The following GRID2 variants were observed in gnomAD, a reference collection of about 807,000 sequenced individuals.
GRID2 encodes glutamate ionotropic receptor delta type subunit 2.
A neutral mutation model predicts 114.8 loss-of-function variants in GRID2; 33 were observed. That is an observed-to-expected ratio of 0.29 (90% CI 0.22 to 0.38). The LOEUF (loss-of-function observed/expected upper bound fraction) is 0.38, where lower values mean the gene tolerates loss of function less well. GRID2 is among the 10% of genes least tolerant of loss of function. GRID2 has a pLI of 1.00. For missense variants in GRID2, 1,184 were observed against 1,257.7 expected, an observed-to-expected ratio of 0.94 and a Z score of 0.89; for synonymous variants, 505 against 449.9, an observed-to-expected ratio of 1.12 and a Z score of -1.55.
At chr4:93,750,841 TAA>T (rs1732262645) in intron 14 of GRID2, among the ~76,000 whole-genome samples, 1 of 152,142 alleles carries the variant, frequency 6.6e-6, no homozygotes. Context: ...TGGTGTCACT[TAA>T]AAGAGATGAG....
intron 4 of GRID2, among the ~76,000 whole-genome samples, chr4:93,165,051 A>G (rs953642498): frequency 6.6e-6 from 1 of 152,078 alleles, no homozygotes; most frequent in African/African-American, 2.4e-5. Flanking sequence ...CATCTGGAAG[A>G]TGGAGATAAT....
chr4:92,312,909 T>A (rs1395819856), intron 1 of GRID2, among the ~76,000 whole-genome samples: 1 of 151,988 alleles, frequency 6.6e-6, no homozygotes, highest in Non-Finnish European at 1.5e-5. Flanking sequence ...AGTAGAACTA[T>A]CATTTGATGC....
intron 2 of GRID2, among the ~76,000 whole-genome samples, chr4:92,970,970 C>T (rs528160068): frequency 2.0e-5 from 3 of 151,144 alleles, no homozygotes; most frequent in African/African-American, 4.8e-5. Context: ...ATATATACAT[C>T]GTGCGTGTAT....
intron 1 of GRID2, among the ~76,000 whole-genome samples, chr4:92,435,907 A>G: frequency 6.6e-6 from 1 of 152,100 alleles, no homozygotes; most frequent in East Asian, 1.9e-4. Flanking sequence ...CGTTCTTTTT[A>G]TCCTTGCATT....
At chr4:93,148,072 G>A (rs187842545) in intron 4 of GRID2, among the ~76,000 whole-genome samples, 1 of 152,104 alleles carries the variant, frequency 6.6e-6, no homozygotes, top group Non-Finnish European at 1.5e-5. Context: ...TCTTTTGTTT[G>A]TGACAAAATT....
At chr4:93,412,673 T>G (rs1005967020) in intron 9 of GRID2, among the ~76,000 whole-genome samples, 2 of 152,186 alleles carry the variant, frequency 1.3e-5, no homozygotes, top group Non-Finnish European at 2.9e-5. Context: ...GTTAGTTTGC[T>G]GCACCTACCA....
intron 2 of GRID2, among the ~76,000 whole-genome samples, chr4:92,671,451 A>G (rs1733068006): frequency 6.6e-6 from 1 of 152,122 alleles, no homozygotes; most frequent in African/African-American, 2.4e-5. Flanking sequence ...ATCATATTAT[A>G]TGGGAAACTA....
rs549805750 is a variant in GRID2, at chr4:92,936,415, G to A, written c.245-148580G>A. ...CTAATTCATGATAATAGAGTTAAGG[G>A]GTCTGTTTTATTTAAATAATTTTCT... On this transcript the variant is annotated intron_variant, in intron 2 of 15. Coordinates refer to ENST00000282020, the MANE Select transcript of GRID2 (RefSeq NM_001510.4). Among the ~76,000 whole-genome samples, 57 of 145,606 alleles carry A rather than the reference G, an allele frequency of 3.9e-4. 2 individuals are homozygous for A. Among genetic ancestry groups the A allele is most frequent in the African/African-American group, 1.2e-3 (50 of 40,938 alleles).
At chr4:93,607,654 A>G (rs971705731) in intron 13 of GRID2, among the ~76,000 whole-genome samples, 2 of 152,266 alleles carry the variant, frequency 1.3e-5, no homozygotes, top group Admixed American at 1.3e-4. Context: ...TCCACTAGCA[A>G]TATGTGAGAG....
chr4:92,847,787 T>G (rs188106205), intron 2 of GRID2, among the ~76,000 whole-genome samples: 51 of 152,184 alleles, frequency 3.4e-4, no homozygotes, highest in African/African-American at 9.9e-4. Flanking sequence ...CACAGGACAG[T>G]TAAGTGGCAA....
chr4:93,394,784 C>T (rs1371795698), intron 8 of GRID2, among the ~76,000 whole-genome samples: 1 of 152,028 alleles, frequency 6.6e-6, no homozygotes, highest in African/African-American at 2.4e-5. Context: ...AACATTCTCT[C>T]TCTCTGTAGC....
chr4:93,607,932 A>G (rs1399820143), intron 13 of GRID2, among the ~76,000 whole-genome samples: 1 of 151,788 alleles, frequency 6.6e-6, no homozygotes, highest in Non-Finnish European at 1.5e-5. Context: ...TTTGTCCCCC[A>G]TGTTCCAATT....
At chr4:93,469,266 A>G (rs1724574046) in intron 11 of GRID2, among the ~76,000 whole-genome samples, 1 of 152,072 alleles carries the variant, frequency 6.6e-6, no homozygotes, top group South Asian at 2.1e-4. Context: ...AATAAATGCT[A>G]TTTCACAAAA....
intron 1 of GRID2, among the ~76,000 whole-genome samples, chr4:92,486,216 A>G (rs1314970315): frequency 2.6e-5 from 4 of 151,682 alleles, no homozygotes; most frequent in African/African-American, 7.2e-5. Context: ...AACTAAAGAT[A>G]GCTGACCGGT....
At chr4:93,024,728 TA>T (rs1723725687) in intron 2 of GRID2, among the ~76,000 whole-genome samples, 1 of 151,838 alleles carries the variant, frequency 6.6e-6, no homozygotes, top group South Asian at 2.1e-4. Context: ...ATGTCAATTT[TA>T]AAAAGTACTT....
At chr4:93,582,409 C>T (rs911707032) in intron 13 of GRID2, among the ~76,000 whole-genome samples, 3 of 152,104 alleles carry the variant, frequency 2.0e-5, no homozygotes, top group Non-Finnish European at 4.4e-5. Flanking sequence ...TCTCTTTTGT[C>T]ATCTATGGTA....
At chr4:92,837,985 A>G (rs1367839274) in intron 2 of GRID2, among the ~76,000 whole-genome samples, 3 of 152,106 alleles carry the variant, frequency 2.0e-5, no homozygotes, top group Non-Finnish European at 4.4e-5. Flanking sequence ...CAAGCATTCA[A>G]TTAAAATAAT....
At chr4:92,496,536 G>A (rs1302462938) in intron 1 of GRID2, among the ~76,000 whole-genome samples, 5 of 151,844 alleles carry the variant, frequency 3.3e-5, no homozygotes, top group Non-Finnish European at 4.4e-5. Flanking sequence ...TAAATTGAAA[G>A]AGAAGTTGAA....
chr4:93,591,846 A>G (rs917756211), intron 13 of GRID2, among the ~76,000 whole-genome samples: 1 of 152,084 alleles, frequency 6.6e-6, no homozygotes, highest in African/African-American at 2.4e-5. Flanking sequence ...ATTTGCGTAG[A>G]GGTGTTTATA....
Sources: gnomAD v4.1 joint callset for allele counts (sites outside exome capture counted in the v4.1 genomes callset) on GRCh38, gnomAD v4.1.1 for gene constraint, MANE v1.5 for transcripts, NCBI Gene and HGNC (gene_info 2026-07-23, HGNC 2026-07-21) for gene names.